The following FAM216A variants were observed in gnomAD, a reference collection of about 807,000 sequenced individuals.
FAM216A encodes the protein protein FAM216A.
Under a neutral mutation model 37.6 loss-of-function variants are expected in FAM216A, and 26 were observed. That is an observed-to-expected ratio of 0.69 (90% confidence interval 0.51 to 0.96). The LOEUF is 0.96. Among genes scored for constraint, FAM216A ranks in the 40% least tolerant of loss-of-function variants. The pLI is 0.00. For synonymous variants in FAM216A, 110 were observed against 121.7 expected, an observed-to-expected ratio of 0.90 and a Z score of 0.64; for missense variants, 326 against 339.3, an observed-to-expected ratio of 0.96 and a Z score of 0.31.
rs146589900 is a variant in FAM216A, at chr12:110,486,601, T to G, written c.504T>G (p.Thr168=). 790 of 1,614,180 alleles carry G rather than the reference T, an allele frequency of 4.9e-4. 16 individuals are homozygous for G. The East Asian group carries it at 6.3e-3, about 13-fold the overall frequency. The change falls in exon 5 of 7, where the codon ACT becomes ACG. Residue 168 remains threonine, a synonymous_variant. Coordinates refer to ENST00000377673, the MANE Select transcript of FAM216A (RefSeq NM_013300.3). ...RYSQKQHYPC[T]TWRHQLERED... is the part of the protein sequence containing the mutation. ...CACAGAAACAGCATTACCCTTGCAC[T>G]ACATGGCGACATCAACTGGAGAGAG...
At chr12:110,489,423 G>A (rs1448086895) in intron 6 of FAM216A, among the ~76,000 whole-genome samples, 2 of 150,936 alleles carry the variant, frequency 1.3e-5, no homozygotes, top group African/African-American at 4.9e-5. Flanking sequence ...AGAATGGCGT[G>A]AACCTGGGAG....
rs989845399 is a variant in FAM216A at position 110,468,954 on chromosome 12, TG to T, written c.81del (p.Trp27Ter). On this transcript the variant is annotated frameshift_variant, in exon 1 of 7. Transcript: ENST00000377673. LOFTEE classifies it high-confidence loss of function. ...EMPGQGPGSDWTERSSSAEPP... is the reference protein window; with the variant it reads ...EMPGQGPGSDXTERSSSAEPP... ...GCCCGGCCAGGGTCCGGGGTCCGAC[TG>T]GACGGAGCGTAGCTCTTCTGCAGAG... The T allele has an allele frequency of 6.6e-7, 1 of 1,525,292 alleles. No individual in the cohort carries two copies. The highest frequency in any genetic ancestry group is 8.8e-7 in the Non-Finnish European group (1 of 1,140,158). 94.5% of individuals were successfully genotyped at this position (1,525,292 alleles called of 1,614,324 possible). A position where few individuals can be genotyped will look rare whatever the true frequency, so the allele number is the denominator to read the frequency against.
chr12:110,486,040 G>GT (rs2062774925), intron 3 of FAM216A, among the ~76,000 whole-genome samples: 2 of 152,302 alleles, frequency 1.3e-5, no homozygotes, highest in Admixed American at 6.5e-5. Context: ...CGCACAGCAA[G>GT]TAACACTTGA....
intron 6 of FAM216A, among the ~76,000 whole-genome samples, chr12:110,489,126 G>C (rs1407285348): frequency 2.0e-5 from 3 of 152,226 alleles, no homozygotes; most frequent in African/African-American, 7.2e-5. Context: ...CGAATGATCA[G>C]AAGTATTCCT....
chr12:110,487,023 G>A (rs766352046), intron 5 of FAM216A: 87 of 274,326 alleles, frequency 3.2e-4, no homozygotes, highest in Non-Finnish European at 5.3e-4. Context: ...GAGCTACTGT[G>A]CCCAGCCTTC....
chr12:110,471,065 A>T (rs549645812), intron 1 of FAM216A, among the ~76,000 whole-genome samples: 18 of 152,204 alleles, frequency 1.2e-4, no homozygotes, highest in African/African-American at 4.3e-4. Context: ...TCCCATTATT[A>T]ACTAATGGGA....
chr12:110,489,960 G>T (rs2062802511), intron 6 of FAM216A, 59 bp from the exon 7 acceptor site: 2 of 823,974 alleles, frequency 2.4e-6, no homozygotes, highest in East Asian at 5.0e-5. Flanking sequence ...CATTTTGAAA[G>T]TTGTACTTAG....
chr12:110,477,846 C>G (rs1565851119), intron 2 of FAM216A, among the ~76,000 whole-genome samples: 1 of 151,740 alleles, frequency 6.6e-6, no homozygotes, highest in Non-Finnish European at 1.5e-5. Flanking sequence ...TAGCTGGGAC[C>G]ACAGGTGCCT....
intron 6 of FAM216A, among the ~76,000 whole-genome samples, chr12:110,488,347 G>T (rs1292072908): frequency 2.7e-5 from 4 of 150,290 alleles, no homozygotes; most frequent in African/African-American, 9.8e-5. Context: ...GGAGGCGGAG[G>T]TTGGAGTGAG....
chr12:110,487,569 C>A, intron 5 of FAM216A: 1 of 295,670 alleles, frequency 3.4e-6, no homozygotes, highest in Non-Finnish European at 6.3e-6. Flanking sequence ...ATATAATTCC[C>A]ACTCAACCTC....
intron 5 of FAM216A, 37 bp downstream of exon 5, chr12:110,486,754 C>T (rs1203523629): frequency 1.3e-6 from 2 of 1,562,332 alleles, no homozygotes; most frequent in South Asian, 2.4e-5. Context: ...AAATGCATCT[C>T]AGTTTAATTT....
intron 2 of FAM216A, among the ~76,000 whole-genome samples, chr12:110,480,059 CTT>C (rs2062737415): frequency 6.7e-6 from 1 of 150,332 alleles, no homozygotes; most frequent in Non-Finnish European, 1.5e-5. Flanking sequence ...GAGTTTCGCT[CTT>C]GTTGCCCAGG....
chr12:110,484,867 A>T (rs1448216368), intron 2 of FAM216A, among the ~76,000 whole-genome samples: 1 of 151,552 alleles, frequency 6.6e-6, no homozygotes, highest in African/African-American at 2.4e-5. Flanking sequence ...ATTCTCCTAA[A>T]TTTTTTGTAT....
intron 2 of FAM216A, among the ~76,000 whole-genome samples, chr12:110,482,658 A>C (rs1040148096): frequency 1.3e-5 from 2 of 150,922 alleles, no homozygotes; most frequent in Non-Finnish European, 3.0e-5. Context: ...AGCCGGGCGC[A>C]GTGGCGGGCG....
In FAM216A at chr12:110,468,958, C is replaced by G. The variant is rs1186623876; in HGVS notation, c.83C>G (p.Thr28Arg). ...GGCCAGGGTCCGGGGTCCGACTGGA[C>G]GGAGCGTAGCTCTTCTGCAGAGCCG... ...MPGQGPGSDW[T>R]ERSSSAEPPA... The change falls in exon 1 of 7, where the codon ACG becomes AGG. Residue 28 changes from threonine (T) to arginine (R), a missense_variant. Physicochemically the swap from Thr to Arg is moderately conservative, Grantham distance 71. Transcript: ENST00000377673. 1 of 1,522,992 alleles carries G rather than the reference C, an allele frequency of 6.6e-7. No homozygotes were observed. The highest frequency in any genetic ancestry group is 1.2e-5 in the South Asian group (1 of 83,490). The allele number at this position is 1,522,992 out of a possible 1,614,324, so 94.3% of individuals were successfully genotyped here.
At chr12:110,487,661 A>G in intron 5 of FAM216A, 200 bp from the exon 6 acceptor site, 1 of 553,488 alleles carries the variant, frequency 1.8e-6, no homozygotes, top group Non-Finnish European at 3.2e-6. Context: ...GAGAGGAAAA[A>G]GATTAAGCAG....
At chr12:110,488,368 G>A (rs888863608) in intron 6 of FAM216A, among the ~76,000 whole-genome samples, 57 of 144,408 alleles carry the variant, frequency 3.9e-4, no homozygotes, top group African/African-American at 1.3e-3. Context: ...CTGAGATTGC[G>A]CCACTGTACT....
chr12:110,481,742 T>A (rs1052596234), intron 2 of FAM216A, among the ~76,000 whole-genome samples: 2 of 152,158 alleles, frequency 1.3e-5, no homozygotes, highest in Non-Finnish European at 2.9e-5. Flanking sequence ...GTCCAAAATA[T>A]AATATGCATC....
chr12:110,468,463 CT>C, upstream of FAM216A: 1 of 1,537,102 alleles, frequency 6.5e-7, no homozygotes, highest in Non-Finnish European at 8.7e-7. Context: ...GCTGTCTAAG[CT>C]TGGATACCTG....
Sources: allele counts gnomAD v4.1 joint callset (sites outside exome capture counted in the v4.1 genomes callset), GRCh38; gene constraint gnomAD v4.1.1; transcripts MANE v1.5; gene names NCBI Gene and HGNC (gene_info 2026-07-23, HGNC 2026-07-21).